Variants in SCD5 observed in about 807,000 individuals in gnomAD.
The protein encoded by SCD5 is stearoyl-CoA desaturase 5, also known as acyl-CoA-desaturase 4.
Under a neutral mutation model 30.4 loss-of-function variants are expected in SCD5, and 20 were observed. The ratio of observed to expected loss-of-function variants is 0.66; its 90% CI spans 0.46 to 0.96. The LOEUF (loss-of-function observed/expected upper bound fraction) is 0.96. SCD5 is among the 40% of genes least tolerant of loss of function. The pLI, the probability that SCD5 is intolerant of heterozygous loss-of-function variation, is 0.00. For missense variants in SCD5, 381 were observed against 443.3 expected, an observed-to-expected ratio of 0.86 and a Z score of 1.26; for synonymous variants, 173 against 176.4, an observed-to-expected ratio of 0.98 and a Z score of 0.16.
intron 1 of SCD5, among the ~76,000 whole-genome samples, chr4:82,770,207 C>T (rs1721590468): frequency 6.6e-6 from 1 of 152,164 alleles, no homozygotes; most frequent in Non-Finnish European, 1.5e-5. Flanking sequence ...ACGATAGGCC[C>T]CGGTGTGTGA....
At chr4:82,717,261 G>C (rs887577824) in intron 1 of SCD5, among the ~76,000 whole-genome samples, 14 of 151,854 alleles carry the variant, frequency 9.2e-5, no homozygotes, top group African/African-American at 3.4e-4. Flanking sequence ...AGATGACCCA[G>C]ATCCCAACAC....
intron 3 of SCD5, chr4:82,660,933 G>C: frequency 6.2e-7 from 1 of 1,614,164 alleles, no homozygotes; most frequent in East Asian, 2.2e-5. Flanking sequence ...ACTTTTCGGA[G>C]TGGTTACAAT....
intron 3 of SCD5, among the ~76,000 whole-genome samples, chr4:82,650,639 T>A (rs1727732415): frequency 6.6e-6 from 1 of 151,558 alleles, no homozygotes; most frequent in Non-Finnish European, 1.5e-5. Flanking sequence ...GAGGCTACAG[T>A]GAGCCATGAG....
intron 1 of SCD5, among the ~76,000 whole-genome samples, chr4:82,746,965 A>AAC (rs1721000739): frequency 6.7e-6 from 1 of 149,862 alleles, no homozygotes; most frequent in African/African-American, 2.4e-5. Flanking sequence ...CGTCAGGGGG[A>AAC]GAGGAGGAAC....
chr4:82,658,467 C>CCT lies in SCD5; in HGVS notation c.570-21645_570-21644insAG, dbSNP rs1553914592. On this transcript the variant is annotated intron_variant, in intron 3 of 4. Transcript: ENST00000319540. ...AGCTGACTTGATTGTGGTGGATAAG[C>CCT]TTTTTTTTTTTTTTTTTTTAGATGG... Among the ~76,000 whole-genome samples the CCT allele has an allele frequency of 2.8e-5, 3 of 105,548 alleles. No individual in the cohort carries two copies. The East Asian group carries it at 9.0e-4, about 32-fold the overall frequency. The allele number at this position is 105,548 out of a possible 152,430, so 69.2% of individuals were successfully genotyped here.
chr4:82,676,859 T>C (rs1271885135), intron 3 of SCD5, among the ~76,000 whole-genome samples: 1 of 152,216 alleles, frequency 6.6e-6, no homozygotes, highest in African/African-American at 2.4e-5. Context: ...AATTTACACA[T>C]TGACAGTGCA....
chr4:82,765,548 A>G (rs1181180967), intron 1 of SCD5, among the ~76,000 whole-genome samples: 1 of 152,104 alleles, frequency 6.6e-6, no homozygotes, highest in Non-Finnish European at 1.5e-5. Flanking sequence ...TACCTAACAC[A>G]ATGTAAATGC....
At chr4:82,778,138 G>A (rs964581021) in intron 1 of SCD5, among the ~76,000 whole-genome samples, 5 of 152,022 alleles carry the variant, frequency 3.3e-5, no homozygotes, top group African/African-American at 9.7e-5. Context: ...AACACCACAC[G>A]TTCTCACTCA....
At chr4:82,758,726 C>A (rs776879658) in intron 1 of SCD5, among the ~76,000 whole-genome samples, 1 of 151,898 alleles carries the variant, frequency 6.6e-6, no homozygotes, top group East Asian at 1.9e-4. Context: ...GCCGGGAGGG[C>A]GGGCCTTCCT....
chr4:82,715,451 T>A (rs1481321650), intron 1 of SCD5, among the ~76,000 whole-genome samples: 1 of 151,390 alleles, frequency 6.6e-6, no homozygotes, highest in African/African-American at 2.5e-5. Flanking sequence ...CTGGGTTATT[T>A]TCAGCATCCA....
intron 1 of SCD5, among the ~76,000 whole-genome samples, chr4:82,796,279 A>AAAG (rs1553921177): frequency 3.3e-5 from 5 of 151,902 alleles, no homozygotes; most frequent in African/African-American, 1.2e-4. Flanking sequence ...CAAAAAAAAA[A>AAAG]AAAAGACTTA....
intron 1 of SCD5, among the ~76,000 whole-genome samples, chr4:82,789,446 G>C (rs28623152): frequency 6.6e-6 from 1 of 152,124 alleles, no homozygotes; most frequent in Non-Finnish European, 1.5e-5. Context: ...TGGAGATGTC[G>C]TTAAAATGCA....
rs565481275 is a variant in SCD5, at chr4:82,783,993, TA to T, written c.232+14312del. ...TATTCTTAAATGGTTCAGAAAAAAA[TA>T]TATAGATTCTATACATACACACGTA... is the stretch of plus-strand genomic sequence containing the variant. On this transcript the variant is annotated intron_variant, in intron 1 of 4. Coordinates refer to ENST00000319540, the MANE Select transcript of SCD5 (RefSeq NM_001037582.3). Among the ~76,000 whole-genome samples, 131 of 152,100 alleles carry T rather than the reference TA, an allele frequency of 8.6e-4. 1 individual carries two copies. The highest frequency in any genetic ancestry group is 2.9e-3 in the African/African-American group (120 of 41,494).
At chr4:82,632,979 T>A (rs1727352981) in intron 4 of SCD5, among the ~76,000 whole-genome samples, 1 of 152,222 alleles carries the variant, frequency 6.6e-6, no homozygotes, top group Non-Finnish European at 1.5e-5. Flanking sequence ...CACACACTTA[T>A]GTTTTTGTGG....
intron 3 of SCD5, among the ~76,000 whole-genome samples, chr4:82,653,705 GAT>G (rs138451326): frequency 1.5e-3 from 19 of 12,866 alleles, no homozygotes; most frequent in Middle Eastern, 0.038. Flanking sequence ...TAGATAGATA[GAT>G]ATAGATAGAT....
chr4:82,781,423 A>G (rs115009231), intron 1 of SCD5, among the ~76,000 whole-genome samples: 2,777 of 152,092 alleles, frequency 0.018, 84 homozygotes, highest in African/African-American at 0.064. Flanking sequence ...CTCAAAAAAA[A>G]AAAGAAAGAA....
chr4:82,739,082 T>C (rs1720816263), intron 1 of SCD5, among the ~76,000 whole-genome samples: 2 of 152,238 alleles, frequency 1.3e-5, no homozygotes, highest in Admixed American at 6.5e-5. Flanking sequence ...TTACCCCTAC[T>C]AGTTGCGGGT....
At chr4:82,717,781 T>C (rs1481081933) in intron 1 of SCD5, among the ~76,000 whole-genome samples, 1 of 151,626 alleles carries the variant, frequency 6.6e-6, no homozygotes, top group African/African-American at 2.4e-5. Context: ...CCAGGTGTGA[T>C]GGTACATGCC....
At chr4:82,727,819 T>C (rs1006889248) in intron 1 of SCD5, among the ~76,000 whole-genome samples, 5 of 152,344 alleles carry the variant, frequency 3.3e-5, no homozygotes, top group Middle Eastern at 3.4e-3. Flanking sequence ...GCGATTCTCA[T>C]GCCTCAGCCT....
Sources: gnomAD v4.1 joint callset for allele counts (sites outside exome capture counted in the v4.1 genomes callset) on GRCh38, gnomAD v4.1.1 for gene constraint, MANE v1.5 for transcripts, NCBI Gene and HGNC (gene_info 2026-07-23, HGNC 2026-07-21) for gene names.